The following MAGI2 variants were observed in gnomAD, a reference collection of about 807,000 sequenced individuals.
MAGI2 encodes the protein membrane associated guanylate kinase, WW and PDZ domain containing 2.
Under a neutral mutation model 133.3 loss-of-function variants are expected in MAGI2, and 35 were observed. The observed-to-expected ratio is 0.26, with a 90% confidence interval of 0.20 to 0.35. The LOEUF (loss-of-function observed/expected upper bound fraction) is 0.35. Among genes scored for constraint, MAGI2 ranks in the 10% least tolerant of loss-of-function variants. The probability of loss-of-function intolerance (pLI) is 1.00; values close to 1 mark genes in which losing one functional copy is unlikely to be tolerated. For synonymous variants in MAGI2, 729 were observed against 710.6 expected, an observed-to-expected ratio of 1.03 and a Z score of -0.41; for missense variants, 1,636 against 1,863.4, an observed-to-expected ratio of 0.88 and a Z score of 2.25.
At chr7:78,522,182 C>G (rs1439709443) in intron 3 of MAGI2, among the ~76,000 whole-genome samples, 1 of 152,162 alleles carries the variant, frequency 6.6e-6, no homozygotes, top group Non-Finnish European at 1.5e-5. Flanking sequence ...TGGCTGCTGA[C>G]AGTGCGCCTG....
chr7:78,158,558 C>T (rs1165519095), intron 16 of MAGI2, among the ~76,000 whole-genome samples: 2 of 152,072 alleles, frequency 1.3e-5, no homozygotes, highest in East Asian at 1.9e-4. Context: ...AAATTGTAAC[C>T]GAGGAAACTA....
At chr7:78,376,046 C>CT (rs67384720) in intron 6 of MAGI2, among the ~76,000 whole-genome samples, 2 of 151,596 alleles carry the variant, frequency 1.3e-5, no homozygotes, top group South Asian at 2.1e-4. Flanking sequence ...TGAATATATT[C>CT]TTTTTTTTTA....
intron 2 of MAGI2, among the ~76,000 whole-genome samples, chr7:78,676,284 G>A (rs546674735): frequency 1.3e-5 from 2 of 152,230 alleles, no homozygotes; most frequent in African/African-American, 2.4e-5. Flanking sequence ...AGGCAAGACT[G>A]TATAAAAGGA....
intron 2 of MAGI2, among the ~76,000 whole-genome samples, chr7:78,899,542 A>G (rs1797452330): frequency 6.6e-6 from 1 of 152,192 alleles, no homozygotes. Context: ...TAATCTACTA[A>G]GTAGTCAACA....
intron 3 of MAGI2, among the ~76,000 whole-genome samples, chr7:78,594,886 A>C (rs1804435200): frequency 6.6e-6 from 1 of 152,170 alleles, no homozygotes; most frequent in African/African-American, 2.4e-5. Flanking sequence ...CCATTAAGTA[A>C]ATTTACTAAG....
At chr7:79,049,151 A>T (rs1342335365) in intron 1 of MAGI2, among the ~76,000 whole-genome samples, 1 of 152,154 alleles carries the variant, frequency 6.6e-6, no homozygotes, top group Non-Finnish European at 1.5e-5. Flanking sequence ...AAAAAATGAC[A>T]TGATTAAAAG....
intron 2 of MAGI2, among the ~76,000 whole-genome samples, chr7:78,871,825 T>A (rs757930532): frequency 5.3e-5 from 8 of 151,832 alleles, no homozygotes; most frequent in Non-Finnish European, 1.2e-4. Context: ...CCTTTCCATT[T>A]AAAAAAAACT....
At chr7:78,904,104 T>C (rs537629690) in intron 2 of MAGI2, 1 of 152,324 alleles carries the variant, frequency 6.6e-6, no homozygotes, top group African/African-American at 2.4e-5. Context: ...TGGCTGCAGC[T>C]CCACTACACC....
At chr7:79,406,030 G>A (rs1845784322) in intron 1 of MAGI2, among the ~76,000 whole-genome samples, 1 of 151,366 alleles carries the variant, frequency 6.6e-6, no homozygotes, top group South Asian at 2.1e-4. Flanking sequence ...TCAGTCTTAT[G>A]CATTTGACTC....
chr7:78,737,966 T>C (rs1304437052), intron 2 of MAGI2, among the ~76,000 whole-genome samples: 2 of 152,122 alleles, frequency 1.3e-5, no homozygotes, highest in African/African-American at 4.8e-5. Context: ...CCAAAGGCCA[T>C]GCCTTTCCCA....
chr7:78,749,752 T>C (rs1166356587), intron 2 of MAGI2, among the ~76,000 whole-genome samples: 1 of 152,148 alleles, frequency 6.6e-6, no homozygotes. Context: ...CTGTGCTTTA[T>C]ATAGATGATG....
At chr7:78,240,026 C>G (rs1022603787) in intron 10 of MAGI2, among the ~76,000 whole-genome samples, 1 of 151,390 alleles carries the variant, frequency 6.6e-6, no homozygotes, top group Non-Finnish European at 1.5e-5. Flanking sequence ...GGTACATGTG[C>G]ACAACGTGCA....
At chr7:78,863,947 G>A (rs974647946) in intron 2 of MAGI2, among the ~76,000 whole-genome samples, 1 of 152,144 alleles carries the variant, frequency 6.6e-6, no homozygotes, top group Non-Finnish European at 1.5e-5. Flanking sequence ...CCTGAAATGT[G>A]TCAGTATGCA....
At chr7:78,921,387 A>C (rs1799209916) in intron 2 of MAGI2, among the ~76,000 whole-genome samples, 1 of 152,148 alleles carries the variant, frequency 6.6e-6, no homozygotes. Flanking sequence ...TCCTAAGTTC[A>C]TCCCTCCCGC....
intron 10 of MAGI2, among the ~76,000 whole-genome samples, chr7:78,235,874 G>T (rs370208709): frequency 6.6e-6 from 1 of 152,006 alleles, no homozygotes; most frequent in African/African-American, 2.4e-5. Context: ...GACATTGCAG[G>T]TTATCTTCAA....
intron 1 of MAGI2, among the ~76,000 whole-genome samples, chr7:79,157,079 G>A (rs1488939632): frequency 6.6e-6 from 1 of 152,092 alleles, no homozygotes; most frequent in Non-Finnish European, 1.5e-5. Flanking sequence ...GTTCAAAGAT[G>A]CATTCTAAAG....
chr7:79,341,448 A>G (rs1840898450), intron 1 of MAGI2, among the ~76,000 whole-genome samples: 2 of 152,224 alleles, frequency 1.3e-5, no homozygotes, highest in Non-Finnish European at 2.9e-5. Flanking sequence ...TCTTGGGTTG[A>G]GTATTTGTTG....
At chr7:78,198,375 C>A (rs1018315988) in intron 11 of MAGI2, among the ~76,000 whole-genome samples, 1 of 151,744 alleles carries the variant, frequency 6.6e-6, no homozygotes, top group Non-Finnish European at 1.5e-5. Flanking sequence ...GATGTACAGT[C>A]CACACCCAGG....
chr7:79,074,564 G>C (rs930988164), intron 1 of MAGI2, among the ~76,000 whole-genome samples: 2 of 152,162 alleles, frequency 1.3e-5, no homozygotes, highest in Non-Finnish European at 2.9e-5. Context: ...AGCAAAAATT[G>C]ATGTGTAAAG....
Sources: gnomAD v4.1 joint callset for allele counts (sites outside exome capture counted in the v4.1 genomes callset) on GRCh38, gnomAD v4.1.1 for gene constraint, MANE v1.5 for transcripts, NCBI Gene and HGNC (gene_info 2026-07-23, HGNC 2026-07-21) for gene names.